ASAP2: variants seen among roughly 807,000 people sequenced by gnomAD.
ASAP2 encodes ArfGAP with SH3 domain, ankyrin repeat and PH domain 2, also known as arf-GAP with SH3 domain, ANK repeat and PH domain-containing protein 2.
A neutral mutation model predicts 131.4 loss-of-function variants in ASAP2; 45 were observed. That is an observed-to-expected ratio of 0.34 (90% CI 0.27 to 0.44). The LOEUF (loss-of-function observed/expected upper bound fraction) is 0.44. Ranked by LOEUF, ASAP2 falls within the 20% of genes least tolerant of loss-of-function variation. The pLI is 1.00. For missense variants in ASAP2, 1,011 were observed against 1,297.0 expected (o/e 0.78, Z 3.39); for synonymous variants, 510 against 503.0 (o/e 1.01, Z -0.19).
intron 1 of ASAP2, among the ~76,000 whole-genome samples, chr2:9,230,447 G>C (rs1458764523): frequency 6.6e-6 from 1 of 152,236 alleles, no homozygotes; most frequent in Non-Finnish European, 1.5e-5. Flanking sequence ...CCTGAGCCCA[G>C]GGCCTGGAAC....
intron 3 of ASAP2, among the ~76,000 whole-genome samples, chr2:9,300,249 A>G (rs1668400692): frequency 6.6e-6 from 1 of 152,248 alleles, no homozygotes; most frequent in African/African-American, 2.4e-5. Context: ...CAAAAGAAGC[A>G]GCAGCTAATA....
chr2:9,214,765 G>T (rs534477492), intron 1 of ASAP2, among the ~76,000 whole-genome samples: 1 of 146,110 alleles, frequency 6.8e-6, no homozygotes, highest in East Asian at 2.0e-4. Flanking sequence ...TGGACAGGAT[G>T]GCCTGGACGT....
intron 20 of ASAP2, 22 bp downstream of exon 20, chr2:9,380,830 CG>C: frequency 1.2e-6 from 2 of 1,611,000 alleles, no homozygotes. Context: ...ACCACAAGGA[CG>C]GGGTGGGGCA....
intron 6 of ASAP2, among the ~76,000 whole-genome samples, chr2:9,326,066 A>T (rs1670457211): frequency 6.6e-6 from 1 of 152,198 alleles, no homozygotes; most frequent in African/African-American, 2.4e-5. Flanking sequence ...CTCTGAAGTG[A>T]ATTAGATTGC....
rs1252299996 is a variant in ASAP2, at chr2:9,403,789, G to GT, written c.*464dup. The GT allele has an allele frequency of 6.4e-6, 1 of 157,428 alleles. No homozygotes were observed. Among genetic ancestry groups the GT allele is most frequent in the Non-Finnish European group, 1.4e-5 (1 of 71,622 alleles). 9.8% of individuals were successfully genotyped at this position (157,428 alleles called of 1,614,324 possible). A position where few individuals can be genotyped will look rare whatever the true frequency, so the allele number is the denominator to read the frequency against. Reference sequence around the variant, plus strand: ...GAACTTTCTCGATAAAATGCCATCAGTTCACCTTTAAAGACACACATTCCT... The same window carrying GT: ...GAACTTTCTCGATAAAATGCCATCAGTTTCACCTTTAAAGACACACATTCCT... On this transcript the variant is annotated 3_prime_UTR_variant, in exon 28 of 28. Coordinates refer to ENST00000281419, the MANE Select transcript of ASAP2 (RefSeq NM_003887.3).
intron 2 of ASAP2, among the ~76,000 whole-genome samples, chr2:9,283,211 G>T (rs1558295034): frequency 2.0e-5 from 3 of 152,088 alleles, no homozygotes; most frequent in Admixed American, 6.6e-5. Flanking sequence ...CCAAGTAGCT[G>T]GGATTACAGG....
chr2:9,368,631 G>A (rs1673671684), intron 16 of ASAP2, 112 bp downstream of exon 16: 1 of 828,012 alleles, frequency 1.2e-6, no homozygotes, highest in Non-Finnish European at 2.0e-6. Context: ...GCTTCTTTAG[G>A]GAATAAATCA....
chr2:9,316,695 C>T (rs550903681), intron 3 of ASAP2, among the ~76,000 whole-genome samples: 3 of 152,130 alleles, frequency 2.0e-5, no homozygotes, highest in Admixed American at 6.5e-5. Flanking sequence ...ACTGAAGTTT[C>T]GCATCTTGAG....
rs1666068602 is a variant in ASAP2 at position 9,268,075 on chromosome 2, T to C, written c.127-11242T>C. On this transcript the variant is annotated intron_variant, in intron 1 of 27. Transcript: ENST00000281419. This position sits in a 1 kb window ranked among gnomAD's most constrained non-coding sequence, Gnocchi z 4.1. ...CCAACAAGGTGTATATCCCTAAACA[T>C]AAACAATTTAGTTTGGCCTGTTTTT... Among the ~76,000 whole-genome samples the C allele has an allele frequency of 6.6e-6, 1 of 152,150 alleles. No individual in the cohort carries two copies. The highest frequency in any genetic ancestry group is 1.5e-5 in the Non-Finnish European group (1 of 68,044).
At position 9,388,855 on chromosome 2, in the gene ASAP2, A is replaced by C. The variant is rs567351178; in HGVS notation, c.2383+309A>C. ...GCTGGGCCAAAAGACACACTCCTTCAGGTCTCCCCTCTGCACCCTTCTGTT... is the reference window on the plus strand; with the variant it reads ...GCTGGGCCAAAAGACACACTCCTTCCGGTCTCCCCTCTGCACCCTTCTGTT... On this transcript the variant is annotated intron_variant, in intron 22 of 27. Transcript: ENST00000281419. Among the ~76,000 whole-genome samples the C allele has an allele frequency of 2.0e-3, 309 of 152,222 alleles. 1 individual carries two copies. Among genetic ancestry groups the C allele is most frequent in the African/African-American group, 6.7e-3 (278 of 41,534 alleles).
At chr2:9,361,507 G>C (rs190248820) in intron 15 of ASAP2, among the ~76,000 whole-genome samples, 2 of 152,156 alleles carry the variant, frequency 1.3e-5, no homozygotes, top group Non-Finnish European at 2.9e-5. Context: ...GAAATTTCAA[G>C]GCTTCTTTCT....
chr2:9,399,799 T>C, intron 24 of ASAP2: 1 of 573,948 alleles, frequency 1.7e-6, no homozygotes, highest in South Asian at 2.0e-5. Context: ...GACAGAGTGC[T>C]CTGGAAAAGC....
At chr2:9,270,276 C>G (rs903694892) in intron 1 of ASAP2, among the ~76,000 whole-genome samples, 1 of 152,140 alleles carries the variant, frequency 6.6e-6, no homozygotes, top group African/African-American at 2.4e-5. Context: ...GCTTTTCCCC[C>G]GCTCTGAGCT....
At chr2:9,256,371 G>T (rs1182892168) in intron 1 of ASAP2, among the ~76,000 whole-genome samples, 1 of 151,496 alleles carries the variant, frequency 6.6e-6, no homozygotes, top group African/African-American at 2.4e-5. Flanking sequence ...AGGCAAAGCG[G>T]CAGTGTCAAC....
intron 6 of ASAP2, 111 bp from the exon 7 acceptor site, chr2:9,327,715 G>T (rs974272287): frequency 5.1e-5 from 37 of 720,316 alleles, no homozygotes; most frequent in Non-Finnish European, 2.1e-5. Context: ...TGCACTCTAC[G>T]CATTGTAAAA....
intron 5 of ASAP2, among the ~76,000 whole-genome samples, chr2:9,321,509 A>C (rs1670145252): frequency 6.6e-6 from 1 of 152,214 alleles, no homozygotes. Context: ...ATAAATGGGA[A>C]GGGACCAGCG....
At chr2:9,293,099 A>G (rs1667921438) in intron 2 of ASAP2, among the ~76,000 whole-genome samples, 1 of 152,182 alleles carries the variant, frequency 6.6e-6, no homozygotes, top group South Asian at 2.1e-4. Context: ...CAGTTTTTTT[A>G]AATAACAGAA....
intron 3 of ASAP2, among the ~76,000 whole-genome samples, chr2:9,303,618 AT>A (rs1366933443): frequency 1.3e-5 from 2 of 152,188 alleles, no homozygotes; most frequent in African/African-American, 2.4e-5. Context: ...ATAGTTGGAA[AT>A]TCCTTATCTA....
At chr2:9,235,244 C>T (rs990486229) in intron 1 of ASAP2, among the ~76,000 whole-genome samples, 1 of 152,110 alleles carries the variant, frequency 6.6e-6, no homozygotes, top group Non-Finnish European at 1.5e-5. Flanking sequence ...ACCTTTTGGA[C>T]CACACAGATG....
Sources: gnomAD v4.1 joint callset for allele counts (sites outside exome capture counted in the v4.1 genomes callset) on GRCh38, gnomAD v4.1.1 for gene constraint, Gnocchi (gnomAD v3.1) non-coding constraint, MANE v1.5 for transcripts, NCBI Gene and HGNC (gene_info 2026-07-23, HGNC 2026-07-21) for gene names.